Variants in DEPTOR observed in about 807,000 individuals in gnomAD.
DEPTOR encodes the protein DEP domain containing MTOR interacting protein.
In DEPTOR, 41 loss-of-function variants were observed where a neutral mutation model predicts 41.6. The ratio of observed to expected loss-of-function variants is 0.98; its 90% CI spans 0.77 to 1.28. The LOEUF is 1.28. DEPTOR is among the 50% of genes most tolerant of loss of function. The probability of loss-of-function intolerance (pLI) is 0.00; values close to 1 mark genes in which losing one functional copy is unlikely to be tolerated. For missense variants in DEPTOR, 514 were observed against 527.9 expected (o/e 0.97, Z 0.26); for synonymous variants, 195 against 192.3 (o/e 1.01, Z -0.12).
intron 3 of DEPTOR, among the ~76,000 whole-genome samples, chr8:119,948,790 T>A (rs189292185): frequency 6.6e-6 from 1 of 152,154 alleles, no homozygotes. Flanking sequence ...TTTTAATTTT[T>A]ATTTATTTTT....
At chr8:120,019,877 T>C (rs954974605) in intron 8 of DEPTOR, among the ~76,000 whole-genome samples, 2 of 152,266 alleles carry the variant, frequency 1.3e-5, no homozygotes, top group African/African-American at 2.4e-5. Context: ...ACTCCTTCCA[T>C]GTCCCCCAAG....
intron 1 of DEPTOR, among the ~76,000 whole-genome samples, chr8:119,894,142 C>G (rs894101805): frequency 2.6e-5 from 4 of 152,034 alleles, no homozygotes; most frequent in Non-Finnish European, 5.9e-5. Context: ...GATGATGGCT[C>G]ACTGCAGCAT....
chr8:119,950,764 A>AT (rs1481623253), intron 3 of DEPTOR, among the ~76,000 whole-genome samples: 6 of 151,710 alleles, frequency 4.0e-5, no homozygotes, highest in African/African-American at 1.5e-4. Flanking sequence ...CCAGCTAATT[A>AT]TTTTTGTATT....
At chr8:119,988,005 C>A (rs1586646211) in intron 4 of DEPTOR, among the ~76,000 whole-genome samples, 1 of 152,130 alleles carries the variant, frequency 6.6e-6, no homozygotes, top group African/African-American at 2.4e-5. Flanking sequence ...CTGGCTTCAG[C>A]CCCCTTTCCA....
chr8:120,003,007 C>T lies in DEPTOR; in HGVS notation c.821C>T (p.Ser274Phe), dbSNP rs573198788. The change falls in exon 6 of 9, where the codon TCT (serine) becomes TTT (phenylalanine). Residue 274 changes from serine to phenylalanine, a missense_variant. Coordinates refer to ENST00000286234, the MANE Select transcript of DEPTOR (RefSeq NM_022783.4). ...VSPSKEIKIV[S>F]AVRRSSMSSC... is the part of the protein sequence containing the mutation. ...CCCAGCAAGGAGATCAAGATCGTGT[C>T]TGCAGTGAGGAGAAGCAGCATGAGC... 1.3e-6 allele frequency: 2 copies of T among 1,593,494 alleles called. No individual in the cohort carries two copies. The highest frequency in any genetic ancestry group is 2.3e-5 in the South Asian group (2 of 88,212).
intron 3 of DEPTOR, among the ~76,000 whole-genome samples, chr8:119,939,573 C>T (rs1212697497): frequency 6.6e-6 from 1 of 152,074 alleles, no homozygotes; most frequent in Non-Finnish European, 1.5e-5. Context: ...CTGCAAACTC[C>T]ACCTCCCGGG....
At chr8:120,015,305 T>G (rs1246664028) in intron 8 of DEPTOR, among the ~76,000 whole-genome samples, 2 of 152,204 alleles carry the variant, frequency 1.3e-5, no homozygotes, top group Non-Finnish European at 2.9e-5. Flanking sequence ...TAAATGTTAA[T>G]TTTTCAGAGA....
intron 4 of DEPTOR, among the ~76,000 whole-genome samples, chr8:119,985,826 C>CTTTTTTTTTTTTTTTTTTT (rs999602227): frequency 2.4e-5 from 1 of 41,634 alleles, no homozygotes. Context: ...AACCCCTGCT[C>CTTTTTTTTTTTTTTTTTTT]TTTTTTTTTT....
intron 4 of DEPTOR, among the ~76,000 whole-genome samples, chr8:119,980,463 CT>C (rs1828749343): frequency 2.5e-5 from 1 of 39,796 alleles, no homozygotes; most frequent in African/African-American, 6.4e-5. Context: ...TTTTTCTTTT[CT>C]TTTCTTTTCT....
intron 4 of DEPTOR, among the ~76,000 whole-genome samples, chr8:119,968,795 G>C (rs1053235383): frequency 6.6e-6 from 1 of 152,060 alleles, no homozygotes; most frequent in Non-Finnish European, 1.5e-5. Context: ...GGATGACTGG[G>C]GTTTTCCCCA....
At chr8:119,945,508 A>G (rs1023564640) in intron 3 of DEPTOR, among the ~76,000 whole-genome samples, 2 of 152,250 alleles carry the variant, frequency 1.3e-5, no homozygotes, top group African/African-American at 4.8e-5. Context: ...AGATGGGCTA[A>G]GTAGATGCTT....
At chr8:119,949,645 T>C (rs1828327771) in intron 3 of DEPTOR, among the ~76,000 whole-genome samples, 1 of 152,210 alleles carries the variant, frequency 6.6e-6, no homozygotes, top group Non-Finnish European at 1.5e-5. Flanking sequence ...AATTTTTATA[T>C]TTCCTTTAGT....
At chr8:120,010,695 T>A (rs1586656845) in intron 8 of DEPTOR, among the ~76,000 whole-genome samples, 1 of 151,098 alleles carries the variant, frequency 6.6e-6, no homozygotes, top group Non-Finnish European at 1.5e-5. Flanking sequence ...AGGAAAAAAA[T>A]TAAAATTACT....
chr8:119,924,302 G>C (rs1827936584), intron 1 of DEPTOR, among the ~76,000 whole-genome samples: 1 of 152,150 alleles, frequency 6.6e-6, no homozygotes, highest in African/African-American at 2.4e-5. Flanking sequence ...AGGCTTCACT[G>C]TTAGAGAAAA....
chr8:120,008,427 G>T lies in DEPTOR; in HGVS notation c.997-602G>T, dbSNP rs566519328. ...GCCTGTAATCCCAGTTACTCAGGAGGCTGAGGCAGGAGAATCGCTTGAACC... is the reference window on the plus strand; with the variant it reads ...GCCTGTAATCCCAGTTACTCAGGAGTCTGAGGCAGGAGAATCGCTTGAACC... On this transcript the variant is annotated intron_variant, in intron 7 of 8. Coordinates refer to ENST00000286234, the MANE Select transcript of DEPTOR (RefSeq NM_022783.4). 2.0e-4 allele frequency among the ~76,000 whole-genome samples: 30 copies of T among 151,588 alleles called. No homozygotes were observed. In the East Asian group the frequency reaches 5.1e-3, roughly 26 times the overall value.
In DEPTOR at chr8:120,049,884, C is replaced by A; in HGVS notation, c.*180C>A. 3.0e-6 allele frequency: 2 copies of A among 659,724 alleles called. No homozygotes were observed. The highest frequency in any genetic ancestry group is 4.4e-6 in the Non-Finnish European group (2 of 450,222). The allele number at this position is 659,724 out of a possible 1,614,324, so 40.9% of individuals were successfully genotyped here. A position where few individuals can be genotyped will look rare whatever the true frequency, so the allele number is the denominator to read the frequency against. ...AATGTGGAAGAACCGGGTATCATAT[C>A]TTTTTTAAAAAATGTCAGTGTAGAA... On this transcript the variant is annotated 3_prime_UTR_variant, in exon 9 of 9. Transcript: ENST00000286234.
chr8:119,928,626 A>G (rs1264286404), intron 2 of DEPTOR, 48 bp downstream of exon 2: 8 of 1,587,590 alleles, frequency 5.0e-6, no homozygotes, highest in Non-Finnish European at 6.9e-6. Context: ...TGGAAGGACT[A>G]GATCTTTTCA....
At chr8:119,934,465 C>T (rs998245682) in intron 3 of DEPTOR, among the ~76,000 whole-genome samples, 10 of 152,178 alleles carry the variant, frequency 6.6e-5, no homozygotes, top group African/African-American at 2.4e-4. Flanking sequence ...AGTCACACAG[C>T]CTGGGTCTTC....
intron 5 of DEPTOR, among the ~76,000 whole-genome samples, chr8:120,002,565 G>A (rs187477807): frequency 2.0e-5 from 3 of 151,604 alleles, no homozygotes; most frequent in Admixed American, 1.3e-4. Flanking sequence ...CCACAAAAAA[G>A]TGACTGGTTA....
Sources: allele counts gnomAD v4.1 joint callset (sites outside exome capture counted in the v4.1 genomes callset), GRCh38; gene constraint gnomAD v4.1.1; transcripts MANE v1.5; gene names NCBI Gene and HGNC (gene_info 2026-07-23, HGNC 2026-07-21).